Variants in OR7G2 observed in about 807,000 individuals in gnomAD.
OR7G2 encodes the protein olfactory receptor family 7 subfamily G member 2, also known as olfactory receptor 7G2.
For missense variants in OR7G2, 362 were observed against 384.0 expected (o/e 0.94, Z 0.48); for synonymous variants, 153 against 152.2 (o/e 1.01, Z -0.04).
chr19:9,103,301 C>T (rs1289574806), intron 1 of OR7G2, 42 bp from the exon 2 acceptor site: 9 of 1,609,152 alleles, frequency 5.6e-6, no homozygotes, highest in African/African-American at 2.7e-5. Context: ...GCAGCTGCAT[C>T]GGCATCACTC....
chr19:9,104,587 G>A (rs1272378079), intron 1 of OR7G2, among the ~76,000 whole-genome samples: 1 of 151,834 alleles, frequency 6.6e-6, no homozygotes, highest in Non-Finnish European at 1.5e-5. Context: ...CAGCACTTTG[G>A]GAGGCCGAGG....
rs976550173 is a variant in OR7G2 at position 9,101,584 on chromosome 19, G to T, written c.*685C>A. The T allele has an allele frequency of 1.3e-5, 2 of 151,924 alleles. No individual in the cohort carries two copies. Among genetic ancestry groups the T allele is most frequent in the African/African-American group, 4.8e-5 (2 of 41,356 alleles). The allele number at this position is 151,924 out of a possible 1,614,324, so 9.4% of individuals were successfully genotyped here. A position where few individuals can be genotyped will look rare whatever the true frequency, so the allele number is the denominator to read the frequency against. On this transcript the variant is annotated 3_prime_UTR_variant, in exon 2 of 2. Coordinates refer to ENST00000641081, the MANE Select transcript of OR7G2 (RefSeq NM_001005193.2). Reference sequence around the variant, plus strand: ...ACAAAAATTAGCCGGGTGTGGTGTCGTGCACCTGTAGTCCCAGCTACTCAG... The same window carrying T: ...ACAAAAATTAGCCGGGTGTGGTGTCTTGCACCTGTAGTCCCAGCTACTCAG...
chr19:9,100,409 T>G lies in OR7G2; in HGVS notation c.*1860A>C, dbSNP rs1036232310. On this transcript the variant is annotated 3_prime_UTR_variant, in exon 2 of 2. Coordinates refer to ENST00000641081, the MANE Select transcript of OR7G2 (RefSeq NM_001005193.2). The stretch of plus-strand genomic sequence containing the variant: ...CTACCACACATGGCTAACTTTTGTA[T>G]TTTTAGTAGAGATGGGGTTTCACCA... The G allele has an allele frequency of 6.6e-6, 1 of 152,074 alleles. No individual in the cohort carries two copies. Among genetic ancestry groups the G allele is most frequent in the South Asian group, 2.1e-4 (1 of 4,814 alleles). 9.4% of individuals were successfully genotyped at this position (152,074 alleles called of 1,614,324 possible).
chr19:9,103,408 C>T, intron 1 of OR7G2, 149 bp from the exon 2 acceptor site: 6 of 672,342 alleles, frequency 8.9e-6, no homozygotes, highest in South Asian at 1.9e-5. Flanking sequence ...TTTCACAAGC[C>T]TTGTAGATGT....
At position 9,102,857 on chromosome 19, in the gene OR7G2, G is replaced by C; in HGVS notation, c.387C>G (p.Pro129=). 22 of 1,613,818 alleles carry C rather than the reference G, an allele frequency of 1.4e-5. No individual in the cohort carries two copies. The highest frequency in any genetic ancestry group is 1.9e-5 in the Non-Finnish European group (22 of 1,179,790). The change falls in exon 2 of 2, where the codon CCC becomes CCG. Residue 129 remains proline, a synonymous_variant. Coordinates refer to ENST00000641081, the MANE Select transcript of OR7G2 (RefSeq NM_001005193.2). ...AYDRYVAICH[P]LRYTVIMNPR... is the part of the protein sequence containing the mutation. ...GGTTCATGATGACTGTGTATCTAAG[G>C]GGGTGACAAATGGCCACATAGCGGT...
rs2050362382 is a variant in OR7G2, at chr19:9,102,793, T to A, written c.451A>T (p.Thr151Ser). ...CGLLILLSLL[T>S]SVVNALLLSL... ...AGAAGAAGGGCATTCACAACACTAG[T>A]CAACAGAGAGAGAAGAATCAGCAGG... The change falls in exon 2 of 2, where the codon ACT becomes TCT. Residue 151 changes from threonine (T) to serine (S), a missense_variant. Thr to Ser is a moderately conservative substitution (Grantham distance 58, BLOSUM62 1). Transcript: ENST00000641081. The A allele has an allele frequency of 6.2e-7, 1 of 1,613,720 alleles. No individual in the cohort carries two copies. The highest frequency in any genetic ancestry group is 1.1e-5 in the South Asian group (1 of 91,046).
intron 1 of OR7G2, among the ~76,000 whole-genome samples, chr19:9,106,383 C>G (rs2050386113): frequency 6.6e-6 from 1 of 150,604 alleles, no homozygotes; most frequent in Non-Finnish European, 1.5e-5. Flanking sequence ...CGAGATCGTG[C>G]CACTGCACTC....
chr19:9,105,259 C>T (rs907124932), intron 1 of OR7G2, among the ~76,000 whole-genome samples: 2 of 152,034 alleles, frequency 1.3e-5, no homozygotes, highest in Admixed American at 1.3e-4. Flanking sequence ...TGAGCCACTG[C>T]GCCTGGCCTC....
chr19:9,103,152 A>T lies in OR7G2; in HGVS notation c.92T>A (p.Phe31Tyr), dbSNP rs755639095. 6.2e-7 allele frequency: 1 copy of T among 1,614,160 alleles called. No homozygotes were observed. The highest frequency in any genetic ancestry group is 8.5e-7 in the Non-Finnish European group (1 of 1,180,026). Reference sequence around the variant, plus strand: ...GATGGTGACCAAGTACATGGACAGGAACAGGCTGAAAAGGACGGGCTGCAG... The same window carrying T: ...GATGGTGACCAAGTACATGGACAGGTACAGGCTGAAAAGGACGGGCTGCAG... ...PELQPVLFSL[F>Y]LSMYLVTILG... Residue 31 changes from phenylalanine to tyrosine, a missense_variant, in exon 2 of 2, where the codon TTC (phenylalanine) becomes TAC (tyrosine). Physicochemically the swap from Phe to Tyr is conservative, Grantham distance 22. Transcript: ENST00000641081.
chr19:9,104,612 G>A (rs180945602), intron 1 of OR7G2, among the ~76,000 whole-genome samples: 1 of 151,768 alleles, frequency 6.6e-6, no homozygotes, highest in African/African-American at 2.4e-5. Context: ...CAGATCACGG[G>A]GTCAGGCAAT....
In OR7G2 at chr19:9,102,551, T is replaced by A. The variant is rs1240154818; in HGVS notation, c.693A>T (p.Ala231=). Residue 231 remains alanine (A), a synonymous_variant, in exon 2 of 2, where the codon GCA becomes GCT. Coordinates refer to ENST00000641081, the MANE Select transcript of OR7G2 (RefSeq NM_001005193.2). ...TGGAAACTGCTTTGTGCTTTCCACT[T>A]GCTGATGGCATTCTCAAAACACAGG... The part of the protein sequence containing the change: ...ITSCVLRMPS[A]SGKHKAVSTC... 6.2e-7 allele frequency: 1 copy of A among 1,614,188 alleles called. No homozygotes were observed.
At position 9,102,437 on chromosome 19, in the gene OR7G2, C is replaced by T. The variant is rs146853637; in HGVS notation, c.807G>A (p.Arg269=). The T allele has an allele frequency of 6.2e-7, 1 of 1,614,022 alleles. No individual in the cohort carries two copies. The highest frequency in any genetic ancestry group is 8.5e-7 in the Non-Finnish European group (1 of 1,179,932). ...YISSVVTDSP[R]KTAVASVMYS... ...ACATCACTGAAGCCACTGCAGTCTT[C>T]CTAGGTGAGTCAGTAACCACAGAAC... Residue 269 remains arginine, a synonymous_variant, in exon 2 of 2, where the codon AGG becomes AGA. Coordinates refer to ENST00000641081, the MANE Select transcript of OR7G2 (RefSeq NM_001005193.2).
At chr19:9,105,536 C>T (rs1600204779) in intron 1 of OR7G2, among the ~76,000 whole-genome samples, 1 of 152,082 alleles carries the variant, frequency 6.6e-6, no homozygotes, top group African/African-American at 2.4e-5. Context: ...TAATAAAATT[C>T]AACATTGCTT....
Position 9,102,271 on chromosome 19 carries a change from A to C in OR7G2, c.973T>G (p.Ter325GluextTer10). The C allele has an allele frequency of 1.3e-6, 2 of 1,587,216 alleles. No individual in the cohort carries two copies. Among genetic ancestry groups the C allele is most frequent in the South Asian group, 2.3e-5 (2 of 86,646 alleles). ...ACCAGGAATCCTGTCACTTTGACTT[A>C]CTCTAGAAACCTGAATCCAAAGCAA... ...AICFGFRFLE[*>E] Residue 325 changes from the stop codon to glutamate (E), a stop_lost, in exon 2 of 2, where the codon TAA becomes GAA. Coordinates refer to ENST00000641081, the MANE Select transcript of OR7G2 (RefSeq NM_001005193.2).
intron 1 of OR7G2, among the ~76,000 whole-genome samples, chr19:9,106,117 C>T (rs968609418): frequency 2.0e-5 from 3 of 151,798 alleles, no homozygotes; most frequent in Admixed American, 1.3e-4. Context: ...CATCAGTCAA[C>T]GATATAAGAT....
chr19:9,106,612 G>A (rs949148175), intron 1 of OR7G2, among the ~76,000 whole-genome samples: 1 of 150,540 alleles, frequency 6.6e-6, no homozygotes, highest in African/African-American at 2.4e-5. Flanking sequence ...TTCAAGACCA[G>A]CTGACCAATA....
rs145107181 is a variant in OR7G2, at chr19:9,104,280, G to T, written c.-16-1021C>A. Among the ~76,000 whole-genome samples the T allele has an allele frequency of 5.5e-3, 843 of 152,174 alleles. 10 individuals carry two copies. The highest frequency in any genetic ancestry group is 0.036 in the East Asian group (185 of 5,164). Reference sequence around the variant, plus strand: ...CTAGTCTAGTGCTCTTTCCTGCTAAGACCACATGTACCTTTGGGATTCTTA... The same window carrying T: ...CTAGTCTAGTGCTCTTTCCTGCTAATACCACATGTACCTTTGGGATTCTTA... On this transcript the variant is annotated intron_variant, in intron 1 of 1. Coordinates refer to ENST00000641081, the MANE Select transcript of OR7G2 (RefSeq NM_001005193.2).
rs915657014 is a variant in OR7G2 at position 9,104,131 on chromosome 19, C to T, written c.-16-872G>A. 4.6e-5 allele frequency among the ~76,000 whole-genome samples: 7 copies of T among 152,124 alleles called. 1 individual carries two copies. The highest frequency in any genetic ancestry group is 2.9e-5 in the Non-Finnish European group (2 of 68,032). On this transcript the variant is annotated intron_variant, in intron 1 of 1. Transcript: ENST00000641081. ...CGAACTCCTGACTTCAAGTGATCCG[C>T]CTGCCTCAGGCTCCCGAAGTCCTGG...
Position 9,102,652 on chromosome 19 carries a change from G to A in OR7G2, c.592C>T (p.Leu198=), listed in dbSNP as rs2050361407. The change falls in exon 2 of 2, where the codon CTG becomes TTG. Residue 198 remains leucine, a synonymous_variant. Coordinates refer to ENST00000641081, the MANE Select transcript of OR7G2 (RefSeq NM_001005193.2). ...TCSDTLINNI[L]IYFAACIFGG... is the part of the protein sequence containing the mutation. The stretch of plus-strand genomic sequence containing the variant: ...AATATGCAAGCTGCAAAATATATCA[G>A]GATGTTATTGATGAGGGTGTCTGAA... The A allele has an allele frequency of 1.2e-6, 2 of 1,614,148 alleles. No homozygotes were observed. The highest frequency in any genetic ancestry group is 1.7e-6 in the Non-Finnish European group (2 of 1,180,040).
Sources: allele counts gnomAD v4.1 joint callset (sites outside exome capture counted in the v4.1 genomes callset), GRCh38; gene constraint gnomAD v4.1.1; transcripts MANE v1.5; gene names NCBI Gene and HGNC (gene_info 2026-07-23, HGNC 2026-07-21).